ASTN1: variants seen among roughly 807,000 people sequenced by gnomAD.
ASTN1 encodes astrotactin 1.
A neutral mutation model predicts 140.7 loss-of-function variants in ASTN1; 41 were observed. The observed-to-expected ratio is 0.29, with a 90% CI of 0.23 to 0.38. The LOEUF is 0.38. ASTN1 is among the 10% of genes least tolerant of loss of function. ASTN1 has a pLI of 1.00. For synonymous variants in ASTN1, 640 were observed against 652.2 expected, an observed-to-expected ratio of 0.98 and a Z score of 0.29; for missense variants, 1,479 against 1,678.8, an observed-to-expected ratio of 0.88 and a Z score of 2.08.
chr1:177,033,689 G>A (rs1484290006), intron 2 of ASTN1, among the ~76,000 whole-genome samples: 1 of 152,108 alleles, frequency 6.6e-6, no homozygotes, highest in Non-Finnish European at 1.5e-5. Context: ...TCAGGGGAAG[G>A]GATTGAAACC....
chr1:176,886,576 G>A (rs1402075881), intron 18 of ASTN1, among the ~76,000 whole-genome samples: 1 of 152,222 alleles, frequency 6.6e-6, no homozygotes, highest in Non-Finnish European at 1.5e-5. Context: ...TACAGCCAAA[G>A]GCTGTAGGTA....
intron 1 of ASTN1, among the ~76,000 whole-genome samples, chr1:177,080,086 A>G (rs968754220): frequency 2.0e-5 from 3 of 152,102 alleles, no homozygotes; most frequent in African/African-American, 4.8e-5. Context: ...TGTGAATGTT[A>G]TGTGTTTAAT....
At chr1:177,148,064 C>T (rs1387997312) in intron 1 of ASTN1, among the ~76,000 whole-genome samples, 1 of 152,166 alleles carries the variant, frequency 6.6e-6, no homozygotes, top group East Asian at 1.9e-4. Flanking sequence ...CCTTCATTGA[C>T]CTGAGCCTAT....
At chr1:176,864,696 A>T (rs1195760018) in intron 22 of ASTN1, among the ~76,000 whole-genome samples, 175 bp from the exon 23 acceptor site, 2 of 152,208 alleles carry the variant, frequency 1.3e-5, no homozygotes, top group African/African-American at 4.8e-5. Context: ...CTGTCAAGCA[A>T]ATGAATGAAT....
At chr1:176,873,854 C>A (rs1347476881) in intron 21 of ASTN1, among the ~76,000 whole-genome samples, 1 of 152,146 alleles carries the variant, frequency 6.6e-6, no homozygotes, top group East Asian at 1.9e-4. Flanking sequence ...GCAGGCAGAG[C>A]ACATCTTGAT....
At chr1:176,991,442 A>C (rs1053838318) in intron 8 of ASTN1, among the ~76,000 whole-genome samples, 1 of 147,002 alleles carries the variant, frequency 6.8e-6, no homozygotes, top group Non-Finnish European at 1.5e-5. Flanking sequence ...AAACCAAAAA[A>C]AAAAAAAAAA....
chr1:176,893,897 G>A (rs943536544), intron 17 of ASTN1, among the ~76,000 whole-genome samples: 2 of 152,204 alleles, frequency 1.3e-5, no homozygotes, highest in Non-Finnish European at 2.9e-5. Context: ...CAGTTCTCCA[G>A]CCCTTCTTTT....
intron 1 of ASTN1, among the ~76,000 whole-genome samples, chr1:177,147,148 G>A (rs1682754245): frequency 6.6e-6 from 1 of 152,002 alleles, no homozygotes; most frequent in Non-Finnish European, 1.5e-5. Context: ...CTACTGTTTT[G>A]CACCATGATT....
At chr1:177,154,814 C>T (rs1264489731) in intron 1 of ASTN1, among the ~76,000 whole-genome samples, 2 of 151,906 alleles carry the variant, frequency 1.3e-5, no homozygotes, top group African/African-American at 4.8e-5. Context: ...CTTTCAGAGA[C>T]CTATAATAAA....
intron 8 of ASTN1, among the ~76,000 whole-genome samples, chr1:177,013,336 T>A (rs890485731): frequency 3.3e-5 from 5 of 152,152 alleles, no homozygotes; most frequent in Admixed American, 3.3e-4. Context: ...CTTGTCCTTA[T>A]CCCCCAACTT....
chr1:176,954,475 T>C (rs538554724), intron 11 of ASTN1, among the ~76,000 whole-genome samples: 15 of 152,308 alleles, frequency 9.8e-5, no homozygotes, highest in Non-Finnish European at 1.8e-4. Flanking sequence ...TGGTGGCATT[T>C]TGATTTTAGC....
chr1:176,933,799 G>T (rs975477331), intron 16 of ASTN1, among the ~76,000 whole-genome samples: 1 of 152,228 alleles, frequency 6.6e-6, no homozygotes, highest in Admixed American at 6.5e-5. Context: ...ACTGAACCAC[G>T]CTCACTGCTG....
intron 1 of ASTN1, among the ~76,000 whole-genome samples, chr1:177,074,705 C>A (rs1033280390): frequency 1.3e-5 from 2 of 152,192 alleles, no homozygotes; most frequent in African/African-American, 4.8e-5. Context: ...AACTTCTCTG[C>A]AATTCTTCAT....
At chr1:176,860,920 G>T, downstream of ASTN1, 1 of 275,696 alleles carries the variant, frequency 3.6e-6, no homozygotes, top group Non-Finnish European at 5.5e-6. Context: ...TGAAATATTT[G>T]ATTCTTTTTT....
intron 1 of ASTN1, among the ~76,000 whole-genome samples, chr1:177,066,808 C>T (rs932932454): frequency 2.6e-5 from 4 of 152,160 alleles, no homozygotes; most frequent in African/African-American, 9.7e-5. Flanking sequence ...TGGCTTAGAG[C>T]AGTCTTGGTA....
chr1:176,906,655 A>G (rs181289921), intron 16 of ASTN1, among the ~76,000 whole-genome samples: 8 of 152,076 alleles, frequency 5.3e-5, no homozygotes, highest in Admixed American at 1.3e-4. Context: ...GGAGTTCAAG[A>G]CCAGCCTGGC....
rs200991545 is a variant in ASTN1 at position 176,864,279 on chromosome 1, T to C, written c.*5A>G. On this transcript the variant is annotated 3_prime_UTR_variant, in exon 23 of 23. Transcript: ENST00000361833. Reference sequence around the variant, plus strand: ...TTCTGGCAGCAGCTCCCTGGCCTTATGGTGCTAGATCTCTTTGCTGTCCCC... The same window carrying C: ...TTCTGGCAGCAGCTCCCTGGCCTTACGGTGCTAGATCTCTTTGCTGTCCCC... The C allele has an allele frequency of 1.1e-3, 1,699 of 1,613,300 alleles. 12 individuals carry two copies. The African/African-American group carries it at 0.019, about 18-fold the overall frequency.
At chr1:176,922,379 G>C (rs1259286087) in intron 16 of ASTN1, among the ~76,000 whole-genome samples, 1 of 151,862 alleles carries the variant, frequency 6.6e-6, no homozygotes, top group East Asian at 1.9e-4. Context: ...CCCACCTCTG[G>C]AGGATGTGCC....
intron 1 of ASTN1, among the ~76,000 whole-genome samples, chr1:177,076,724 T>G (rs1192806994): frequency 1.3e-5 from 2 of 152,032 alleles, no homozygotes; most frequent in Non-Finnish European, 2.9e-5. Context: ...TGTTTCACCA[T>G]GTTGACCAGG....
Sources: gnomAD v4.1 joint callset for allele counts (sites outside exome capture counted in the v4.1 genomes callset) on GRCh38, gnomAD v4.1.1 for gene constraint, MANE v1.5 for transcripts, NCBI Gene and HGNC (gene_info 2026-07-23, HGNC 2026-07-21) for gene names.